The following ERBB4 variants were observed in gnomAD, a reference collection of about 807,000 sequenced individuals.
The protein encoded by ERBB4 is erb-b2 receptor tyrosine kinase 4.
In ERBB4, 42 loss-of-function variants were observed where a neutral mutation model predicts 158.0. That is an observed-to-expected ratio of 0.27 (90% CI 0.21 to 0.34). ERBB4 has a LOEUF of 0.34. ERBB4 is among the 10% of genes least tolerant of loss of function. The pLI, the probability that ERBB4 is intolerant of heterozygous loss-of-function variation, is 1.00. For synonymous variants in ERBB4, 583 were observed against 558.7 expected (o/e 1.04, Z -0.61); for missense variants, 1,333 against 1,624.1 (o/e 0.82, Z 3.08).
At chr2:212,176,350 G>A (rs1043679451) in intron 1 of ERBB4, among the ~76,000 whole-genome samples, 1 of 151,794 alleles carries the variant, frequency 6.6e-6, no homozygotes, top group Non-Finnish European at 1.5e-5. Context: ...AGGTAATGAG[G>A]GTGAGGCTCT....
intron 1 of ERBB4, among the ~76,000 whole-genome samples, chr2:212,323,892 A>T (rs1324591002): frequency 6.6e-6 from 1 of 150,474 alleles, no homozygotes; most frequent in Non-Finnish European, 1.5e-5. Context: ...TGACGTGTTG[A>T]AGAACTACAT....
At chr2:211,417,403 T>C (rs1338600728) in intron 25 of ERBB4, among the ~76,000 whole-genome samples, 1 of 152,138 alleles carries the variant, frequency 6.6e-6, no homozygotes, top group Non-Finnish European at 1.5e-5. Context: ...GAGCTTGGCA[T>C]GTGGAGGTTG....
chr2:212,069,356 A>G (rs2078041027), intron 2 of ERBB4, among the ~76,000 whole-genome samples: 1 of 152,084 alleles, frequency 6.6e-6, no homozygotes, highest in African/African-American at 2.4e-5. Context: ...AAGAGCATTT[A>G]AGAAAAATCC....
intron 1 of ERBB4, among the ~76,000 whole-genome samples, chr2:212,467,661 A>C (rs1688905769): frequency 6.6e-6 from 1 of 152,226 alleles, no homozygotes; most frequent in African/African-American, 2.4e-5. Context: ...TGGGATGCTC[A>C]TGGAGAACCT....
intron 25 of ERBB4, among the ~76,000 whole-genome samples, chr2:211,413,141 A>T (rs1485297015): frequency 2.6e-5 from 4 of 151,558 alleles, no homozygotes; most frequent in African/African-American, 7.3e-5. Flanking sequence ...ACACAAAAAA[A>T]TGTTTTTTTA....
chr2:212,381,626 A>G (rs1256013847), intron 1 of ERBB4, among the ~76,000 whole-genome samples: 2 of 151,350 alleles, frequency 1.3e-5, no homozygotes, highest in East Asian at 3.9e-4. Context: ...TCATGTCTCC[A>G]ATTGCCTTAT....
chr2:212,170,634 C>T (rs1049127487), intron 1 of ERBB4, among the ~76,000 whole-genome samples: 1 of 152,112 alleles, frequency 6.6e-6, no homozygotes, highest in Non-Finnish European at 1.5e-5. Context: ...GACTTGGGTG[C>T]CTGTCTTGGG....
chr2:212,234,915 T>C (rs987947326), intron 1 of ERBB4, among the ~76,000 whole-genome samples: 3 of 152,204 alleles, frequency 2.0e-5, no homozygotes, highest in African/African-American at 7.2e-5. Context: ...TTTCTCCCAT[T>C]CTGTAGGTTG....
chr2:211,882,021 A>G (rs2106152711), intron 3 of ERBB4, among the ~76,000 whole-genome samples: 1 of 152,318 alleles, frequency 6.6e-6, no homozygotes, highest in East Asian at 1.9e-4. Context: ...AATCTTTAGC[A>G]GAAAAATATC....
intron 3 of ERBB4, among the ~76,000 whole-genome samples, chr2:211,885,466 TC>T (rs2078774873): frequency 6.6e-6 from 1 of 152,128 alleles, no homozygotes; most frequent in Non-Finnish European, 1.5e-5. Flanking sequence ...TTTTTTTTTT[TC>T]TTTTTTAAGA....
At chr2:211,783,349 T>C (rs1297337429) in intron 4 of ERBB4, among the ~76,000 whole-genome samples, 1 of 152,240 alleles carries the variant, frequency 6.6e-6, no homozygotes, top group Non-Finnish European at 1.5e-5. Context: ...CCTAATTGAA[T>C]ACCCTTTATT....
chr2:212,123,697 T>C (rs1408553309), intron 2 of ERBB4, among the ~76,000 whole-genome samples: 1 of 152,178 alleles, frequency 6.6e-6, no homozygotes, highest in African/African-American at 2.4e-5. Flanking sequence ...AGGTGGTTCA[T>C]TTTCTGAGGT....
intron 20 of ERBB4, among the ~76,000 whole-genome samples, chr2:211,462,046 A>G (rs2064547311): frequency 6.6e-6 from 1 of 152,144 alleles, no homozygotes; most frequent in African/African-American, 2.4e-5. Context: ...CTGACTCAAT[A>G]TAAAGAAAAG....
At chr2:212,035,461 C>A (rs1312349276) in intron 2 of ERBB4, among the ~76,000 whole-genome samples, 1 of 152,188 alleles carries the variant, frequency 6.6e-6, no homozygotes, top group Non-Finnish European at 1.5e-5. Context: ...TGCTTCAAAA[C>A]CCACAGCTCA....
At chr2:211,430,008 G>T (rs976343058) in intron 21 of ERBB4, among the ~76,000 whole-genome samples, 1 of 136,332 alleles carries the variant, frequency 7.3e-6, no homozygotes, top group Non-Finnish European at 1.6e-5. Context: ...CTGCAATTTG[G>T]TAGTAAACAA....
At chr2:211,936,443 T>C (rs1050964139) in intron 3 of ERBB4, among the ~76,000 whole-genome samples, 2 of 152,106 alleles carry the variant, frequency 1.3e-5, no homozygotes, top group African/African-American at 4.8e-5. Flanking sequence ...TTTTTTCTTA[T>C]AAATATTCTT....
chr2:211,504,168 T>C (rs1378027002), intron 20 of ERBB4, among the ~76,000 whole-genome samples: 1 of 151,936 alleles, frequency 6.6e-6, no homozygotes, highest in Admixed American at 6.6e-5. Context: ...CACTACCCAA[T>C]ATATAATTTC....
At chr2:211,952,186 T>C (rs963304097) in intron 2 of ERBB4, among the ~76,000 whole-genome samples, 13 of 152,082 alleles carry the variant, frequency 8.5e-5, no homozygotes, top group African/African-American at 3.1e-4. Flanking sequence ...GTATTCATAG[T>C]CACATTCTCT....
intron 4 of ERBB4, among the ~76,000 whole-genome samples, chr2:211,761,979 A>T (rs951280073): frequency 1.3e-5 from 2 of 152,234 alleles, no homozygotes; most frequent in Non-Finnish European, 2.9e-5. Flanking sequence ...GACTTTCTTC[A>T]TTAAGAAAAT....
Sources: gnomAD v4.1 joint callset for allele counts (sites outside exome capture counted in the v4.1 genomes callset) on GRCh38, gnomAD v4.1.1 for gene constraint, MANE v1.5 for transcripts, NCBI Gene and HGNC (gene_info 2026-07-23, HGNC 2026-07-21) for gene names.